DGKQ: variants seen among roughly 807,000 people sequenced by gnomAD.
The protein encoded by DGKQ is diacylglycerol kinase theta.
DGKQ carries 97 observed loss-of-function variants against 104.2 expected under a neutral mutation model. The ratio of observed to expected loss-of-function variants is 0.93; its 90% confidence interval spans 0.79 to 1.10. DGKQ has a LOEUF of 1.10. DGKQ is among the 50% of genes least tolerant of loss of function. The pLI is 0.00. For synonymous variants in DGKQ, 736 were observed against 595.2 expected, an observed-to-expected ratio of 1.24 and a Z score of -3.44; for missense variants, 1,465 against 1,352.1, an observed-to-expected ratio of 1.08 and a Z score of -1.31.
At position 967,229 on chromosome 4, in the gene DGKQ, C is replaced by T. The variant is rs777711317; in HGVS notation, c.1120G>A (p.Gly374Ser). ...GCCTCGCCGGACCCGGGGCTTCTGC[C>T]CTCCTCCGAGATCACAGCACTCCCA... ...KAGSAVISEE[G>S]RSPGSGEATP... is the part of the protein sequence containing the mutation. Residue 374 changes from glycine to serine, a missense_variant, in exon 9 of 23, where the codon GGC becomes AGC. By Grantham distance (56) the Gly-to-Ser change is moderately conservative (BLOSUM62 0). Coordinates refer to ENST00000273814, the MANE Select transcript of DGKQ (RefSeq NM_001347.4). The T allele has an allele frequency of 5.7e-6, 9 of 1,575,460 alleles. No individual in the cohort carries two copies. The East Asian group carries it at 1.8e-4, about 32-fold the overall frequency.
In DGKQ at chr4:961,743, G is replaced by C; in HGVS notation, c.2407C>G (p.Arg803Gly). 1 of 1,612,596 alleles carries C rather than the reference G, an allele frequency of 6.2e-7. No homozygotes were observed. The change falls in exon 20 of 23, where the codon CGG (arginine) becomes GGG (glycine). Residue 803 changes from arginine (R) to glycine (G), a missense_variant. Physicochemically the swap from Arg to Gly is moderately radical, Grantham distance 125 (BLOSUM62 -2). Coordinates refer to ENST00000273814, the MANE Select transcript of DGKQ (RefSeq NM_001347.4). ...ATACTGGGCAGCTCCACCTCCTGCC[G>C]CTCCACCTGCAGCCGGATCTGCTTG... ...LHKQIRLQVE[R>G]QEVELPSIEG...
Position 967,361 on chromosome 4 carries a change from C to T in DGKQ, c.988G>A (p.Glu330Lys), listed in dbSNP as rs749866207. 31 of 1,532,410 alleles carry T rather than the reference C, an allele frequency of 2.0e-5. No individual in the cohort carries two copies. The highest frequency in any genetic ancestry group is 2.5e-5 in the Non-Finnish European group (29 of 1,144,542). The allele number at this position is 1,532,410 out of a possible 1,614,324, so 94.9% of individuals were successfully genotyped here. Residue 330 changes from glutamate (E) to lysine (K), a missense_variant and splice_region_variant, in exon 9 of 23, where the codon GAG (glutamate) becomes AAG (lysine). Coordinates refer to ENST00000273814, the MANE Select transcript of DGKQ (RefSeq NM_001347.4). Reference protein sequence around the residue: ...SRLAGAEEVLEAALRAHHIPE... With the variant: ...SRLAGAEEVLKAALRAHHIPE... Reference sequence around the variant, plus strand: ...ATGTGGTGGGCCCGCAGTGCGGCCTCCTGCAGGGCACCAGGTTAGAGGGGC... The same window carrying T: ...ATGTGGTGGGCCCGCAGTGCGGCCTTCTGCAGGGCACCAGGTTAGAGGGGC...
In DGKQ at chr4:965,266, G is replaced by A; in HGVS notation, c.1644C>T (p.Cys548=). ...SQGAVVLDVA[C]FAEAERLYML... ...TGTACAGCCGCTCGGCCTCCGCAAA[G>A]CAGGCAACGTCCAACACTACCGCGC... The change falls in exon 15 of 23, where the codon TGC becomes TGT. Residue 548 remains cysteine (C), a synonymous_variant. Transcript: ENST00000273814. 6.2e-7 allele frequency: 1 copy of A among 1,612,660 alleles called. No homozygotes were observed. The highest frequency in any genetic ancestry group is 2.2e-5 in the East Asian group (1 of 44,858).
intron 1 of DGKQ, among the ~76,000 whole-genome samples, chr4:972,758 G>A (rs909815541): frequency 6.6e-6 from 1 of 152,234 alleles, no homozygotes; most frequent in Non-Finnish European, 1.5e-5. Context: ...TGGGCAGCTG[G>A]GTGGAGCAGG....
rs371645168 is a variant in DGKQ at position 963,210 on chromosome 4, C to G, written c.1815G>C (p.Leu605=). Residue 605 remains leucine, a synonymous_variant, in exon 16 of 23, where the codon CTG becomes CTC. Transcript: ENST00000273814. ...PKSGGLKGRD[L]LCSFRKLLNP... is the part of the protein sequence containing the mutation. ...TCAGTAGCTTCCGGAAGCTGCAGAG[C>G]AGGTCTCGGCCCTTGAGGCCTCCAC... 8.2e-5 allele frequency: 132 copies of G among 1,611,368 alleles called. No homozygotes were observed. The highest frequency in any genetic ancestry group is 1.0e-4 in the Non-Finnish European group (118 of 1,178,818).
At chr4:966,592 G>A (rs776035373) in intron 11 of DGKQ, 65 bp from the exon 12 acceptor site, 61 of 1,553,092 alleles carry the variant, frequency 3.9e-5, no homozygotes, top group Middle Eastern at 1.8e-4. Context: ...GCAGCTGCCC[G>A]GAGCCCCCAG....
Position 965,538 on chromosome 4 carries a change from G to A in DGKQ, c.1580-9C>T. The A allele has an allele frequency of 6.2e-7, 1 of 1,611,560 alleles. No homozygotes were observed. The highest frequency in any genetic ancestry group is 8.5e-7 in the Non-Finnish European group (1 of 1,179,466). ...CACGGACACCACGGTGGCTGCAAAGGCAGGCTGTGGTCAGGGCGGTGGGAG... is the reference window on the plus strand; with the variant it reads ...CACGGACACCACGGTGGCTGCAAAGACAGGCTGTGGTCAGGGCGGTGGGAG... On this transcript the variant is annotated splice_polypyrimidine_tract_variant and intron_variant, in intron 13 of 22. Transcript: ENST00000273814.
At chr4:966,399 C>T (rs1485631017) in intron 12 of DGKQ, 67 bp downstream of exon 12, 9 of 1,552,324 alleles carry the variant, frequency 5.8e-6, no homozygotes, top group East Asian at 2.3e-5. Context: ...GCACACCCAC[C>T]CTGTGGGGCA....
rs752810672 is a variant in DGKQ, at chr4:966,497, G to A, written c.1397C>T (p.Pro466Leu). The change falls in exon 12 of 23, where the codon CCC becomes CTC. Residue 466 changes from proline (P) to leucine (L), a missense_variant. Transcript: ENST00000273814. ...GATGTCCTGTAGCCGGTCCAGCAGG[G>A]GCTGTTCGTCCATCAGCATCGTCCG... Reference protein sequence around the residue: ...VQRTMLMDEQPLLDRLQDIRQ... With the variant: ...VQRTMLMDEQLLLDRLQDIRQ... 1.2e-6 allele frequency: 2 copies of A among 1,612,600 alleles called. No individual in the cohort carries two copies. The highest frequency in any genetic ancestry group is 1.7e-6 in the Non-Finnish European group (2 of 1,179,754).
At chr4:966,630 GT>G in intron 11 of DGKQ, 103 bp from the exon 12 acceptor site, 1 of 1,506,630 alleles carries the variant, frequency 6.6e-7, no homozygotes, top group South Asian at 1.2e-5. Flanking sequence ...GGTGGAGCTG[GT>G]CAGGAGGGCA....
chr4:966,967 G>A lies in DGKQ; in HGVS notation c.1308C>T (p.Arg436=), dbSNP rs34643573. 2.3e-5 allele frequency: 36 copies of A among 1,561,980 alleles called. No homozygotes were observed. In the African/African-American group the frequency reaches 4.3e-4, roughly 19 times the overall value. ...GGAGCAGGCACAGGGTACGCACCTGGCGGCCGAGCAGCGGCAGGACCTCCA... is the reference window on the plus strand; with the variant it reads ...GGAGCAGGCACAGGGTACGCACCTGACGGCCGAGCAGCGGCAGGACCTCCA... The part of the protein sequence containing the change: ...VVLEVLPLLG[R]QAESPESFQL... The change falls in exon 10 of 23, where the codon CGC becomes CGT. Residue 436 remains arginine (R), a synonymous_variant. Coordinates refer to ENST00000273814, the MANE Select transcript of DGKQ (RefSeq NM_001347.4).
chr4:972,446 C>T (rs1713001826), intron 1 of DGKQ, among the ~76,000 whole-genome samples: 1 of 152,206 alleles, frequency 6.6e-6, no homozygotes, highest in South Asian at 2.1e-4. Flanking sequence ...CCCCTATCCC[C>T]AGAGAAAGGC....
In DGKQ at chr4:968,880, C is replaced by G. The variant is rs778077536; in HGVS notation, c.382G>C (p.Gly128Arg). ...GCACAGAACTTGCGCTTGTGGAGCC[C>G]CCGGGGGCCGAAGCAGTGGGCTACA... ...VPVAHCFGPR[G>R]LHKRKFCAVC... The change falls in exon 3 of 23, where the codon GGG becomes CGG. Residue 128 changes from glycine (G) to arginine (R), a missense_variant. Transcript: ENST00000273814. 2.5e-6 allele frequency: 4 copies of G among 1,602,530 alleles called. No individual in the cohort carries two copies. Among genetic ancestry groups the G allele is most frequent in the Non-Finnish European group, 3.4e-6 (4 of 1,173,114 alleles).
rs181124456 is a variant in DGKQ, at chr4:971,479, C to T, written c.272-407G>A. Among the ~76,000 whole-genome samples the T allele has an allele frequency of 1.2e-4, 19 of 152,314 alleles. No homozygotes were observed. The East Asian group carries it at 3.1e-3, about 25-fold the overall frequency. The stretch of plus-strand genomic sequence containing the variant: ...CAAGGACATCTGTGTCTCACTCCCC[C>T]GAAACTACGCATACCCCTAATTGTC... On this transcript the variant is annotated intron_variant, in intron 1 of 22. Transcript: ENST00000273814. The surrounding 1 kb of genome is among the most constrained non-coding windows in gnomAD (Gnocchi z 4.0).
intron 11 of DGKQ, 73 bp downstream of exon 11, chr4:966,675 G>A (rs1172398190): frequency 2.0e-6 from 3 of 1,537,368 alleles, no homozygotes; most frequent in Non-Finnish European, 1.8e-6. Flanking sequence ...CCACCCTGCA[G>A]GAAAGCCTGG....
chr4:969,371 C>G (rs897715746), intron 2 of DGKQ, among the ~76,000 whole-genome samples: 1 of 152,236 alleles, frequency 6.6e-6, no homozygotes, highest in Non-Finnish European at 1.5e-5. Flanking sequence ...AGGGACTGCC[C>G]TCTGGGAGAT....
rs1712938339 is a variant in DGKQ, at chr4:971,598, C to T, written c.272-526G>A. ...AGGAGCCGCTGGGGAGTGGACAGCC[C>T]CAAGCCTCCCAAGGAGCTCTGGCTG... On this transcript the variant is annotated intron_variant, in intron 1 of 22. Coordinates refer to ENST00000273814, the MANE Select transcript of DGKQ (RefSeq NM_001347.4). This position sits in a 1 kb window ranked among gnomAD's most constrained non-coding sequence, Gnocchi z 4.0. Among the ~76,000 whole-genome samples, 1 of 152,178 alleles carries T rather than the reference C, an allele frequency of 6.6e-6. No homozygotes were observed. Among genetic ancestry groups the T allele is most frequent in the South Asian group, 2.1e-4 (1 of 4,832 alleles).
intron 5 of DGKQ, 95 bp downstream of exon 5, chr4:968,187 C>T: frequency 1.4e-6 from 1 of 703,860 alleles, no homozygotes; most frequent in East Asian, 3.2e-5. Context: ...CGCGCCTCTC[C>T]TGCCCCGCCC....
Position 959,878 on chromosome 4 carries a change from T to C in DGKQ, c.*742A>G, listed in dbSNP as rs1711749602. 6.6e-6 allele frequency: 1 copy of C among 151,900 alleles called. No individual in the cohort carries two copies. Among genetic ancestry groups the C allele is most frequent in the Admixed American group, 6.5e-5 (1 of 15,280 alleles). The allele number at this position is 151,900 out of a possible 1,614,324, so 9.4% of individuals were successfully genotyped here. On this transcript the variant is annotated 3_prime_UTR_variant, in exon 23 of 23. Transcript: ENST00000273814. ...TGCCAGGGCAGCACCTGAGACCTCC[T>C]AGCCTCCACGTGGACAGAGGTTCTC... is the stretch of plus-strand genomic sequence containing the variant.
Sources: allele counts gnomAD v4.1 joint callset (sites outside exome capture counted in the v4.1 genomes callset), GRCh38; gene constraint gnomAD v4.1.1; non-coding constraint Gnocchi (gnomAD v3.1); transcripts MANE v1.5; gene names NCBI Gene and HGNC (gene_info 2026-07-23, HGNC 2026-07-21).